The following PLXNA4 variants were observed in gnomAD, a reference collection of about 807,000 sequenced individuals.
PLXNA4 encodes plexin A4.
In PLXNA4, 44 loss-of-function variants were observed where a neutral mutation model predicts 191.8. The observed-to-expected ratio is 0.23, with a 90% confidence interval of 0.18 to 0.29. PLXNA4 has a LOEUF of 0.29. Ranked by LOEUF, PLXNA4 falls within the 10% of genes least tolerant of loss-of-function variation. The pLI is 1.00. For missense variants in PLXNA4, 1,800 were observed against 2,488.8 expected, an observed-to-expected ratio of 0.72 and a Z score of 5.89; for synonymous variants, 1,082 against 1,009.5, an observed-to-expected ratio of 1.07 and a Z score of -1.36.
chr7:132,610,353 G>T (rs1350843970), intron 2 of PLXNA4, among the ~76,000 whole-genome samples: 4 of 152,198 alleles, frequency 2.6e-5, no homozygotes, highest in African/African-American at 7.2e-5. Flanking sequence ...GTGGAGCTAT[G>T]CTGTGTGCAA....
intron 3 of PLXNA4, among the ~76,000 whole-genome samples, chr7:132,453,750 C>T (rs542362675): frequency 7.2e-5 from 11 of 152,258 alleles, no homozygotes; most frequent in Admixed American, 3.9e-4. Flanking sequence ...CCATGTTGGC[C>T]AGGAAGGTCT....
chr7:132,516,023 G>T (rs1798921810), intron 1 of PLXNA4, among the ~76,000 whole-genome samples: 2 of 152,166 alleles, frequency 1.3e-5, no homozygotes, highest in Admixed American at 1.3e-4. Flanking sequence ...ACACGTGAAT[G>T]AATGAATGAA....
chr7:132,253,929 G>A (rs1204241217), intron 4 of PLXNA4, among the ~76,000 whole-genome samples: 1 of 152,192 alleles, frequency 6.6e-6, no homozygotes, highest in African/African-American at 2.4e-5. Flanking sequence ...TTTCCATGTG[G>A]AGGAGTCATG....
intron 16 of PLXNA4, among the ~76,000 whole-genome samples, chr7:132,183,257 G>A (rs948674915): frequency 1.3e-5 from 2 of 152,120 alleles, no homozygotes; most frequent in African/African-American, 4.8e-5. Context: ...TGTGAAACTC[G>A]GAGAGGCTCT....
At chr7:132,302,680 C>A (rs989537241) in intron 3 of PLXNA4, among the ~76,000 whole-genome samples, 3 of 151,078 alleles carry the variant, frequency 2.0e-5, no homozygotes, top group South Asian at 2.1e-4. Flanking sequence ...ATTCAGTTCA[C>A]CGCTCATAAG....
At chr7:132,603,738 T>C (rs1041324821) in intron 2 of PLXNA4, among the ~76,000 whole-genome samples, 1 of 152,224 alleles carries the variant, frequency 6.6e-6, no homozygotes, top group African/African-American at 2.4e-5. Flanking sequence ...CAACCAAGTA[T>C]ATTAGACTCC....
chr7:132,187,482 A>G lies in PLXNA4; in HGVS notation c.2982T>C (p.Cys994=), dbSNP rs1796918066. 1 of 1,613,710 alleles carries G rather than the reference A, an allele frequency of 6.2e-7. No homozygotes were observed. Among genetic ancestry groups the G allele is most frequent in the East Asian group, 2.2e-5 (1 of 44,846 alleles). The change falls in exon 15 of 32, where the codon TGT becomes TGC. Residue 994 remains cysteine (C), a synonymous_variant. Coordinates refer to ENST00000321063, the MANE Select transcript of PLXNA4 (RefSeq NM_020911.2). ...NVVVMFGKQP[C]LFHRRSPSYI... The stretch of plus-strand genomic sequence containing the variant: ...GCCCTCTGAGTTACCTGTGGAAGAG[A>G]CAGGGCTGCTTTCCAAACATCACCA...
chr7:132,239,332 G>A, intron 5 of PLXNA4, among the ~76,000 whole-genome samples: 1 of 152,324 alleles, frequency 6.6e-6, no homozygotes, highest in East Asian at 1.9e-4. Context: ...AAGCCTTGGA[G>A]CCCCTCTGTT....
intron 21 of PLXNA4, among the ~76,000 whole-genome samples, 182 bp from the exon 22 acceptor site, chr7:132,168,754 C>T (rs1228599637): frequency 6.6e-6 from 1 of 152,218 alleles, no homozygotes; most frequent in African/African-American, 2.4e-5. Flanking sequence ...CCATCGCAGC[C>T]TCTAGTTTAG....
chr7:132,553,421 C>T (rs900215469), intron 1 of PLXNA4, among the ~76,000 whole-genome samples: 3 of 152,180 alleles, frequency 2.0e-5, no homozygotes, highest in African/African-American at 7.2e-5. Context: ...TGATGGTCAT[C>T]AGCCCAGGGG....
At chr7:132,308,490 C>T (rs188323385) in intron 3 of PLXNA4, among the ~76,000 whole-genome samples, 2 of 152,264 alleles carry the variant, frequency 1.3e-5, no homozygotes, top group East Asian at 1.9e-4. Flanking sequence ...GCACTTTACA[C>T]GCATCAGCTC....
intron 29 of PLXNA4, among the ~76,000 whole-genome samples, chr7:132,141,792 C>T (rs564440271): frequency 1.3e-5 from 2 of 152,276 alleles, no homozygotes; most frequent in South Asian, 2.1e-4. Context: ...TGCAGTGGGG[C>T]GATCTCAGCT....
chr7:132,164,867 T>C (rs1796074954), intron 23 of PLXNA4, among the ~76,000 whole-genome samples: 1 of 152,162 alleles, frequency 6.6e-6, no homozygotes, highest in Non-Finnish European at 1.5e-5. Flanking sequence ...GGATTCAGCT[T>C]TAGGGACCAT....
intron 30 of PLXNA4, among the ~76,000 whole-genome samples, chr7:132,133,876 C>A (rs1388767635): frequency 6.6e-6 from 1 of 152,170 alleles, no homozygotes; most frequent in African/African-American, 2.4e-5. Context: ...CAAAGACAGC[C>A]ACTTCTCACC....
In PLXNA4 at chr7:132,576,362, T is replaced by A. The variant is rs542303412; in HGVS notation, c.-87+60A>T. On this transcript the variant is annotated intron_variant, in intron 1 of 31. Coordinates refer to ENST00000321063, the MANE Select transcript of PLXNA4 (RefSeq NM_020911.2). This position sits in a 1 kb window ranked among gnomAD's most constrained non-coding sequence, Gnocchi z 5.8. ...GGACTCCCGGGTCGGCCCAGGTCTG[T>A]CCGACCTTGCTGCCCTCGCCGCCCG... 1.2e-5 allele frequency: 12 copies of A among 984,358 alleles called. No homozygotes were observed. In the Admixed American group the frequency reaches 1.8e-4, roughly 15 times the overall value. The allele number at this position is 984,358 out of a possible 1,614,324, so 61.0% of individuals were successfully genotyped here. A position where few individuals can be genotyped will look rare whatever the true frequency, so the allele number is the denominator to read the frequency against.
chr7:132,583,663 C>T lies in PLXNA4; in HGVS notation c.-87+62265G>A, dbSNP rs111847471. Among the ~76,000 whole-genome samples the T allele has an allele frequency of 1.0e-3, 153 of 152,330 alleles. 1 individual carries two copies. Among genetic ancestry groups the T allele is most frequent in the Middle Eastern group, 6.8e-3 (2 of 294 alleles). ...GGACAGTGCTTAGGCCCAAGGTGAC[C>T]TCTCTCCACTTTAGTGTCTGCCTCC... On this transcript the variant is annotated intron_variant, in intron 2 of 4. Transcript: ENST00000378539.
chr7:132,180,659 G>T lies in PLXNA4; in HGVS notation c.3566C>A (p.Pro1189Gln). Residue 1189 changes from proline to glutamine, a missense_variant, in exon 19 of 32, where the codon CCG (proline) becomes CAG (glutamine). By Grantham distance (76) the Pro-to-Gln change is moderately conservative (BLOSUM62 -1). Around this residue, in one of 6 missense-constraint regions of PLXNA4, gnomAD observed 1,397 missense variants for 1,880.4 expected, o/e 0.74. Coordinates refer to ENST00000321063, the MANE Select transcript of PLXNA4 (RefSeq NM_020911.2). ...LNYTVLVGEK[P>Q]CTVTVSDVQL... ...GACATCTGACACGGTCACGGTGCAC[G>T]GCTTCTCCCCAACCAGCACAGTGTA... 6.2e-7 allele frequency: 1 copy of T among 1,614,134 alleles called. No homozygotes were observed. The highest frequency in any genetic ancestry group is 2.2e-5 in the East Asian group (1 of 44,882).
intron 25 of PLXNA4, among the ~76,000 whole-genome samples, chr7:132,149,909 T>C (rs1202932998): frequency 6.6e-6 from 1 of 152,208 alleles, no homozygotes; most frequent in Non-Finnish European, 1.5e-5. Context: ...GTATTTGTTG[T>C]GGTCTGTGCT....
At chr7:132,164,680 G>C (rs1368968793) in intron 23 of PLXNA4, among the ~76,000 whole-genome samples, 2 of 152,052 alleles carry the variant, frequency 1.3e-5, no homozygotes, top group African/African-American at 4.8e-5. Flanking sequence ...TAGAACATAA[G>C]TTAATAATTG....
Sources: gnomAD v4.1 joint callset for allele counts (sites outside exome capture counted in the v4.1 genomes callset) on GRCh38, gnomAD v4.1.1 for gene constraint, gnomAD v4.1.1 regional missense constraint, Gnocchi (gnomAD v3.1) non-coding constraint, MANE v1.5 for transcripts, NCBI Gene and HGNC (gene_info 2026-07-23, HGNC 2026-07-21) for gene names.